The following CDKN2AIPNL variants were observed in gnomAD, a reference collection of about 807,000 sequenced individuals.
CDKN2AIPNL encodes the protein XRN2 binding domain containing 1, also known as CDKN2AIP N-terminal-like protein.
Under a neutral mutation model 12.9 loss-of-function variants are expected in CDKN2AIPNL, and 9 were observed. The ratio of observed to expected loss-of-function variants is 0.70; its 90% confidence interval spans 0.42 to 1.22. The LOEUF (loss-of-function observed/expected upper bound fraction) is 1.22. Ranked by LOEUF, CDKN2AIPNL falls within the 50% of genes most tolerant of loss-of-function variation. CDKN2AIPNL has a pLI of 0.00. For missense variants in CDKN2AIPNL, 143 were observed against 153.6 expected (o/e 0.93, Z 0.37); for synonymous variants, 53 against 61.7 (o/e 0.86, Z 0.66).
intron 2 of CDKN2AIPNL, among the ~76,000 whole-genome samples, chr5:134,407,591 T>C (rs1393977568): frequency 6.6e-6 from 1 of 151,510 alleles, no homozygotes; most frequent in African/African-American, 2.4e-5. Context: ...TTGGCCAACA[T>C]GGTGAAACCT....
rs192990984 is a variant in CDKN2AIPNL, at chr5:134,406,897, A to G, written c.339+3006T>C. On this transcript the variant is annotated intron_variant, in intron 2 of 2. Coordinates refer to ENST00000458198, the MANE Select transcript of CDKN2AIPNL (RefSeq NM_080656.3). Reference sequence around the variant, plus strand: ...AAACAAAACTGGCAAAACTCTATGCACCCTCTAAGTATCTCACTTTTCAGG... The same window carrying G: ...AAACAAAACTGGCAAAACTCTATGCGCCCTCTAAGTATCTCACTTTTCAGG... Among the ~76,000 whole-genome samples, 12 of 152,312 alleles carry G rather than the reference A, an allele frequency of 7.9e-5. No individual in the cohort carries two copies. The East Asian group carries it at 2.1e-3, about 27-fold the overall frequency.
At chr5:134,409,841 A>T in intron 2 of CDKN2AIPNL, 62 bp downstream of exon 2, 1 of 1,049,258 alleles carries the variant, frequency 9.5e-7, no homozygotes, top group Non-Finnish European at 1.5e-6. Flanking sequence ...ATATAGTGTC[A>T]TCAAGGCAGG....
At position 134,402,942 on chromosome 5, in the gene CDKN2AIPNL, A is replaced by G; in HGVS notation, c.340-16T>C. On this transcript the variant is annotated splice_polypyrimidine_tract_variant and intron_variant, in intron 2 of 2. Coordinates refer to ENST00000458198, the MANE Select transcript of CDKN2AIPNL (RefSeq NM_080656.3). Reference sequence around the variant, plus strand: ...AGCTTTGATGCTGGGAAAAAAAGAAAAGAAAAGGTTACATAACCATGTAGT... The same window carrying G: ...AGCTTTGATGCTGGGAAAAAAAGAAGAGAAAAGGTTACATAACCATGTAGT... The G allele has an allele frequency of 6.2e-7, 1 of 1,603,336 alleles. No individual in the cohort carries two copies. The highest frequency in any genetic ancestry group is 8.5e-7 in the Non-Finnish European group (1 of 1,177,932).
chr5:134,403,119 C>G (rs971674820), intron 2 of CDKN2AIPNL, among the ~76,000 whole-genome samples, 193 bp from the exon 3 acceptor site: 1 of 152,138 alleles, frequency 6.6e-6, no homozygotes, highest in African/African-American at 2.4e-5. Flanking sequence ...CATTTGGAAG[C>G]CAGAACTTGA....
chr5:134,411,576 A>C, intron 1 of CDKN2AIPNL, 40 bp downstream of exon 1: 1 of 1,562,176 alleles, frequency 6.4e-7, no homozygotes, highest in Non-Finnish European at 8.8e-7. Context: ...GAGGGTCGGA[A>C]GATAGGGGAC....
intron 2 of CDKN2AIPNL, among the ~76,000 whole-genome samples, chr5:134,406,991 A>C (rs1045759667): frequency 1.3e-5 from 2 of 152,230 alleles, no homozygotes; most frequent in Non-Finnish European, 2.9e-5. Flanking sequence ...GAAAAACATA[A>C]GTTTTATTTG....
chr5:134,407,354 C>G (rs1049902104), intron 2 of CDKN2AIPNL, among the ~76,000 whole-genome samples: 1 of 151,988 alleles, frequency 6.6e-6, no homozygotes. Context: ...TAGTCTCCTA[C>G]TGGGGTCTGC....
chr5:134,409,865 A>G, intron 2 of CDKN2AIPNL, 38 bp downstream of exon 2: 1 of 1,354,268 alleles, frequency 7.4e-7, no homozygotes, highest in Non-Finnish European at 1.1e-6. Flanking sequence ...TGTTAACTCT[A>G]CACCATTTCA....
At chr5:134,403,207 TTC>T (rs1759055533) in intron 2 of CDKN2AIPNL, among the ~76,000 whole-genome samples, 1 of 152,222 alleles carries the variant, frequency 6.6e-6, no homozygotes, top group Non-Finnish European at 1.5e-5. Context: ...ATACAACTTT[TTC>T]TGGCATGCTT....
intron 1 of CDKN2AIPNL, chr5:134,410,873 G>T: frequency 1.7e-6 from 1 of 600,624 alleles, no homozygotes. Flanking sequence ...GAAAATCGAA[G>T]CTCTCTAATA....
chr5:134,404,467 G>C (rs1759071708), intron 2 of CDKN2AIPNL, among the ~76,000 whole-genome samples: 2 of 152,088 alleles, frequency 1.3e-5, no homozygotes, highest in Admixed American at 1.3e-4. Flanking sequence ...GGGACCACAG[G>C]CATGCGCAAC....
At position 134,410,919 on chromosome 5, in the gene CDKN2AIPNL, G is replaced by A; in HGVS notation, c.239+697C>T. On this transcript the variant is annotated intron_variant, in intron 1 of 2. Transcript: ENST00000458198. ...AGATTTGCCACCTTCCTCATGGAGG[G>A]GTGAAAGGAATGCCTTATCAGGCAC... 2.4e-5 allele frequency: 16 copies of A among 673,164 alleles called. No individual in the cohort carries two copies. In the South Asian group the frequency reaches 2.5e-4, roughly 11 times the overall value. 41.7% of individuals were successfully genotyped at this position (673,164 alleles called of 1,614,324 possible).
Position 134,402,931 on chromosome 5 carries a change from G to GA in CDKN2AIPNL, c.340-6dup. On this transcript the variant is annotated splice_region_variant and splice_polypyrimidine_tract_variant and intron_variant, in intron 2 of 2. Coordinates refer to ENST00000458198, the MANE Select transcript of CDKN2AIPNL (RefSeq NM_080656.3). ...TCTTCTGGCTTAGCTTTGATGCTGG[G>GA]AAAAAAAGAAAAGAAAAGGTTACAT... 4 of 1,603,612 alleles carry GA rather than the reference G, an allele frequency of 2.5e-6. No individual in the cohort carries two copies. The highest frequency in any genetic ancestry group is 3.4e-6 in the Non-Finnish European group (4 of 1,177,990).
intron 1 of CDKN2AIPNL, chr5:134,410,424 C>T (rs62381376): frequency 0.026 from 4,222 of 163,692 alleles, 75 homozygotes; most frequent in Middle Eastern, 0.067. Flanking sequence ...CGTGCCTGGC[C>T]CTGTGAACAC....
At chr5:134,410,678 G>T in intron 1 of CDKN2AIPNL, 1 of 230,476 alleles carries the variant, frequency 4.3e-6, no homozygotes, top group Non-Finnish European at 8.4e-6. Context: ...CACCTAGAAG[G>T]CAGGGAAAAG....
chr5:134,403,767 G>A (rs1335686641), intron 2 of CDKN2AIPNL, among the ~76,000 whole-genome samples: 1 of 152,164 alleles, frequency 6.6e-6, no homozygotes, highest in Non-Finnish European at 1.5e-5. Flanking sequence ...TGTGATTACA[G>A]GTACCTGCCA....
At chr5:134,411,478 T>C in intron 1 of CDKN2AIPNL, 138 bp downstream of exon 1, 1 of 708,454 alleles carries the variant, frequency 1.4e-6, no homozygotes, top group Middle Eastern at 3.5e-4. Context: ...GGAATCAGTC[T>C]TCGGGCCGAC....
At chr5:134,410,687 AG>A (rs1759178338) in intron 1 of CDKN2AIPNL, 1 of 239,384 alleles carries the variant, frequency 4.2e-6, no homozygotes, top group Non-Finnish European at 8.1e-6. Flanking sequence ...GGCAGGGAAA[AG>A]GGACGGGTGC....
intron 2 of CDKN2AIPNL, among the ~76,000 whole-genome samples, chr5:134,406,626 GCA>G (rs1364670813): frequency 6.6e-6 from 1 of 152,120 alleles, no homozygotes; most frequent in Non-Finnish European, 1.5e-5. Flanking sequence ...GATTCACCAG[GCA>G]CAGTGACTCA....
Sources: gnomAD v4.1 joint callset for allele counts (sites outside exome capture counted in the v4.1 genomes callset) on GRCh38, gnomAD v4.1.1 for gene constraint, MANE v1.5 for transcripts, NCBI Gene and HGNC (gene_info 2026-07-23, HGNC 2026-07-21) for gene names.